The following CLEC2D variants were observed in gnomAD, a reference collection of about 807,000 sequenced individuals.
CLEC2D encodes C-type lectin related f.
CLEC2D carries 16 observed loss-of-function variants against 20.0 expected under a neutral mutation model. The observed-to-expected ratio is 0.80, with a 90% CI of 0.54 to 1.22. CLEC2D has a LOEUF of 1.22. Among genes scored for constraint, CLEC2D ranks in the 50% most tolerant of loss-of-function variants. The pLI is 0.00. For synonymous variants in CLEC2D, 77 were observed against 71.1 expected, an observed-to-expected ratio of 1.08 and a Z score of -0.42; for missense variants, 207 against 221.5, an observed-to-expected ratio of 0.93 and a Z score of 0.42.
Position 9,695,277 on chromosome 12 carries a change from A to C in CLEC2D, c.*403A>C. ...CCATCAGATATCTTGAGACAAGAAC[A>C]GTATGGGGCTCCCTGGTGTGATTCC... On this transcript the variant is annotated 3_prime_UTR_variant, in exon 5 of 5. Coordinates refer to ENST00000290855, the MANE Select transcript of CLEC2D (RefSeq NM_013269.6). The C allele has an allele frequency of 1.4e-6, 1 of 695,172 alleles. No homozygotes were observed. 43.1% of individuals were successfully genotyped at this position (695,172 alleles called of 1,614,324 possible). A position where few individuals can be genotyped will look rare whatever the true frequency, so the allele number is the denominator to read the frequency against.
chr12:9,686,174 G>A (rs989257508), intron 2 of CLEC2D, among the ~76,000 whole-genome samples: 3 of 151,718 alleles, frequency 2.0e-5, no homozygotes, highest in African/African-American at 7.3e-5. Flanking sequence ...TCTGTGGGCT[G>A]CACCCACTTG....
intron 4 of CLEC2D, chr12:9,693,185 C>A: frequency 9.3e-7 from 1 of 1,073,016 alleles, no homozygotes; most frequent in Non-Finnish European, 1.4e-6. Context: ...TCATTTTAAG[C>A]AAACCATACA....
intron 1 of CLEC2D, among the ~76,000 whole-genome samples, chr12:9,678,767 C>G (rs1865574173): frequency 6.6e-6 from 1 of 152,182 alleles, no homozygotes; most frequent in South Asian, 2.1e-4. Flanking sequence ...TCTTGAACTT[C>G]TGGCCTCAAA....
intron 2 of CLEC2D, among the ~76,000 whole-genome samples, chr12:9,682,119 A>G (rs1326150937): frequency 1.3e-5 from 2 of 152,144 alleles, no homozygotes; most frequent in Non-Finnish European, 2.9e-5. Flanking sequence ...CCTTTCAGCT[A>G]GCACTTTGGA....
At chr12:9,680,695 A>C (rs903483293) in intron 1 of CLEC2D, among the ~76,000 whole-genome samples, 4 of 152,176 alleles carry the variant, frequency 2.6e-5, no homozygotes, top group African/African-American at 9.6e-5. Flanking sequence ...TCTCCAATTG[A>C]AAGGGTAACT....
chr12:9,689,430 C>CA (rs756252552), intron 3 of CLEC2D, among the ~76,000 whole-genome samples: 276 of 150,828 alleles, frequency 1.8e-3, no homozygotes, highest in African/African-American at 6.5e-3. Context: ...GTCCAGTTCT[C>CA]AAAAAAAAAT....
chr12:9,687,832 C>G, intron 2 of CLEC2D, 70 bp from the exon 3 acceptor site: 1 of 935,876 alleles, frequency 1.1e-6, no homozygotes, highest in South Asian at 2.4e-5. Flanking sequence ...TATATTAGCA[C>G]TTGGTAATTT....
chr12:9,692,678 T>C (rs955969280), intron 3 of CLEC2D, 150 bp from the exon 4 acceptor site: 15 of 547,542 alleles, frequency 2.7e-5, no homozygotes, highest in Non-Finnish European at 4.3e-5. Flanking sequence ...TATGATAATA[T>C]AGCACACCTA....
intron 3 of CLEC2D, among the ~76,000 whole-genome samples, chr12:9,692,128 G>A (rs184608566): frequency 2.7e-5 from 4 of 148,572 alleles, no homozygotes; most frequent in Non-Finnish European, 5.9e-5. Context: ...TCTTTCTTTC[G>A]TTCGTTCGTT....
At chr12:9,693,327 C>T in intron 4 of CLEC2D, 1 of 418,234 alleles carries the variant, frequency 2.4e-6, no homozygotes. Flanking sequence ...GCAATTATAC[C>T]TATTATTTAA....
intron 3 of CLEC2D, 47 bp downstream of exon 3, chr12:9,688,133 A>G: frequency 4.9e-6 from 7 of 1,423,830 alleles, no homozygotes; most frequent in African/African-American, 1.5e-5. Flanking sequence ...CCCTACAAGG[A>G]TATGTTTTCC....
At chr12:9,688,214 T>TTTTG in intron 3 of CLEC2D, 128 bp downstream of exon 3, 1 of 1,179,034 alleles carries the variant, frequency 8.5e-7, no homozygotes, top group Non-Finnish European at 1.1e-6. Context: ...TTTTTTTTTT[T>TTTTG]GCATAACGAA....
At chr12:9,689,187 A>G (rs894940124) in intron 3 of CLEC2D, among the ~76,000 whole-genome samples, 1 of 152,196 alleles carries the variant, frequency 6.6e-6, no homozygotes, top group Non-Finnish European at 1.5e-5. Flanking sequence ...AATAAATAGT[A>G]TGTGTTTTTC....
chr12:9,672,356 A>C (rs767463235), intron 1 of CLEC2D, among the ~76,000 whole-genome samples: 3 of 152,228 alleles, frequency 2.0e-5, no homozygotes, highest in Admixed American at 6.5e-5. Flanking sequence ...CATTCAAACC[A>C]TAGCAGTCTC....
intron 1 of CLEC2D, 61 bp from the exon 2 acceptor site, chr12:9,680,861 TG>T: frequency 1.2e-6 from 1 of 803,584 alleles, no homozygotes. Flanking sequence ...TGATGCTTAA[TG>T]TTTCTGGCAG....
intron 1 of CLEC2D, among the ~76,000 whole-genome samples, chr12:9,675,733 A>C (rs1235428364): frequency 6.6e-6 from 1 of 152,232 alleles, no homozygotes; most frequent in Non-Finnish European, 1.5e-5. Flanking sequence ...GCTGGGAAGA[A>C]TTGATATCTT....
rs1865983503 is a variant in CLEC2D at position 9,695,961 on chromosome 12, A to G, written c.*1087A>G. 1.3e-6 allele frequency: 2 copies of G among 1,561,038 alleles called. No homozygotes were observed. Among genetic ancestry groups the G allele is most frequent in the Admixed American group, 1.7e-5 (1 of 59,780 alleles). On this transcript the variant is annotated 3_prime_UTR_variant, in exon 5 of 5. Transcript: ENST00000290855. ...GAGATACTCCAGCCAAAAATGCACA[A>G]AAGTCAAATCAGAATGGAAAAGACT...
In CLEC2D at chr12:9,693,290, T is replaced by C. The variant is rs1015161684; in HGVS notation, c.461+359T>C. The C allele has an allele frequency of 5.6e-6, 3 of 539,088 alleles. No homozygotes were observed. In the African/African-American group the frequency reaches 5.7e-5, roughly 10 times the overall value. 33.4% of individuals were successfully genotyped at this position (539,088 alleles called of 1,614,324 possible). A position where few individuals can be genotyped will look rare whatever the true frequency, so the allele number is the denominator to read the frequency against. ...TTGATGTGAGGAACAGAGGTTTTGA[T>C]GTATCAGGGAAAGATTATGAGTGAC... is the stretch of plus-strand genomic sequence containing the variant. On this transcript the variant is annotated intron_variant, in intron 4 of 4. Transcript: ENST00000290855.
intron 1 of CLEC2D, among the ~76,000 whole-genome samples, chr12:9,671,658 C>G (rs1306162531): frequency 6.6e-6 from 1 of 152,174 alleles, no homozygotes; most frequent in Middle Eastern, 3.2e-3. Context: ...TTTTCACACT[C>G]TATTTGAGAT....
Sources: allele counts gnomAD v4.1 joint callset (sites outside exome capture counted in the v4.1 genomes callset), GRCh38; gene constraint gnomAD v4.1.1; transcripts MANE v1.5; gene names NCBI Gene and HGNC (gene_info 2026-07-23, HGNC 2026-07-21).